Variants in COL25A1 observed in about 807,000 individuals in gnomAD.
COL25A1 encodes collagen alpha-1(XXV) chain.
COL25A1 carries 103 observed loss-of-function variants against 128.4 expected under a neutral mutation model. The ratio of observed to expected loss-of-function variants is 0.80; its 90% CI spans 0.68 to 0.94. The LOEUF (loss-of-function observed/expected upper bound fraction) is 0.94. Among genes scored for constraint, COL25A1 ranks in the 40% least tolerant of loss-of-function variants. COL25A1 has a pLI of 0.00. For missense variants in COL25A1, 745 were observed against 840.0 expected (o/e 0.89, Z 1.40); for synonymous variants, 279 against 277.2 (o/e 1.01, Z -0.06).
At chr4:109,294,325 G>A (rs1724761848) in intron 3 of COL25A1, among the ~76,000 whole-genome samples, 1 of 152,112 alleles carries the variant, frequency 6.6e-6, no homozygotes, top group Non-Finnish European at 1.5e-5. Context: ...TGATGCCAAT[G>A]AAAAGTGCTC....
intron 16 of COL25A1, 28 bp downstream of exon 16, chr4:108,896,639 T>C (rs779624689): frequency 1.2e-6 from 2 of 1,606,056 alleles, no homozygotes; most frequent in South Asian, 1.1e-5. Context: ...CTCACATATG[T>C]ACCCTTTCAT....
At chr4:108,910,839 A>C (rs1402824576) in intron 13 of COL25A1, among the ~76,000 whole-genome samples, 1 of 152,202 alleles carries the variant, frequency 6.6e-6, no homozygotes, top group African/African-American at 2.4e-5. Context: ...CACTGGATAC[A>C]TTTTAGTAAT....
At chr4:109,272,172 G>C (rs1424731134) in intron 3 of COL25A1, among the ~76,000 whole-genome samples, 4 of 152,056 alleles carry the variant, frequency 2.6e-5, no homozygotes, top group Non-Finnish European at 5.9e-5. Context: ...AGAGGTCAAG[G>C]CTGCGATGAG....
chr4:108,886,485 TGTG>T lies in COL25A1; in HGVS notation c.976-2266_976-2264del, dbSNP rs1256946997. ...GTGTGTGTGTGTGTGTGTGTGTGTG[TGTG>T]TGTGTTTAGCTCATCAGCTATTTTA... is the stretch of plus-strand genomic sequence containing the variant. On this transcript the variant is annotated intron_variant, in intron 18 of 37. Transcript: ENST00000399132. Among the ~76,000 whole-genome samples, 179 of 115,678 alleles carry T rather than the reference TGTG, an allele frequency of 1.5e-3. 1 individual carries two copies. The highest frequency in any genetic ancestry group is 7.6e-3 in the South Asian group (26 of 3,428). 75.9% of individuals were successfully genotyped at this position (115,678 alleles called of 152,430 possible). A position where few individuals can be genotyped will look rare whatever the true frequency, so the allele number is the denominator to read the frequency against.
At chr4:108,941,676 C>G (rs1451848838) in intron 8 of COL25A1, among the ~76,000 whole-genome samples, 1 of 152,074 alleles carries the variant, frequency 6.6e-6, no homozygotes, top group Non-Finnish European at 1.5e-5. Context: ...TTTTTTGTGC[C>G]TCATCATTTC....
intron 6 of COL25A1, among the ~76,000 whole-genome samples, chr4:108,975,990 CTT>C (rs750933672): frequency 5.3e-5 from 8 of 152,096 alleles, no homozygotes; most frequent in South Asian, 2.1e-4. Flanking sequence ...TGTTTTCCCA[CTT>C]TGTTTACTGC....
At chr4:109,248,088 G>A (rs959393036) in intron 3 of COL25A1, among the ~76,000 whole-genome samples, 8 of 151,852 alleles carry the variant, frequency 5.3e-5, no homozygotes, top group Non-Finnish European at 7.4e-5. Flanking sequence ...TACCTTCTAC[G>A]CATGCCTATA....
intron 3 of COL25A1, among the ~76,000 whole-genome samples, chr4:109,086,461 A>T (rs1764384620): frequency 6.6e-6 from 1 of 152,212 alleles, no homozygotes; most frequent in African/African-American, 2.4e-5. Context: ...TATTTTCCAG[A>T]TAATTTATCA....
intron 3 of COL25A1, among the ~76,000 whole-genome samples, chr4:109,236,066 T>C (rs1779459333): frequency 6.6e-6 from 1 of 152,076 alleles, no homozygotes; most frequent in Non-Finnish European, 1.5e-5. Flanking sequence ...ATTTCATTCA[T>C]ATTCATAAAA....
At chr4:109,230,994 C>G (rs989769196) in intron 3 of COL25A1, among the ~76,000 whole-genome samples, 1 of 151,974 alleles carries the variant, frequency 6.6e-6, no homozygotes, top group Non-Finnish European at 1.5e-5. Context: ...AAAAAATTAG[C>G]CAGGCGTGGT....
At chr4:109,237,969 T>A (rs995682273) in intron 3 of COL25A1, among the ~76,000 whole-genome samples, 2 of 152,120 alleles carry the variant, frequency 1.3e-5, no homozygotes, top group African/African-American at 4.8e-5. Flanking sequence ...TCAAGGATCA[T>A]CCATGTCATA....
intron 3 of COL25A1, among the ~76,000 whole-genome samples, chr4:109,277,966 T>C (rs1238939233): frequency 6.6e-6 from 1 of 152,100 alleles, no homozygotes; most frequent in Non-Finnish European, 1.5e-5. Flanking sequence ...AAACCCCATC[T>C]CTACTAAAAA....
At chr4:108,964,932 C>A (rs1751124121) in intron 8 of COL25A1, among the ~76,000 whole-genome samples, 2 of 152,082 alleles carry the variant, frequency 1.3e-5, no homozygotes, top group Non-Finnish European at 2.9e-5. Flanking sequence ...TATATCCATT[C>A]CCTTTTCTCA....
chr4:109,278,078 C>T (rs1021219695), intron 3 of COL25A1, among the ~76,000 whole-genome samples: 5 of 151,372 alleles, frequency 3.3e-5, no homozygotes, highest in Admixed American at 6.6e-5. Context: ...GAGGTTGCAG[C>T]GAGCCGAGAT....
At chr4:109,158,530 A>C (rs1370644456) in intron 3 of COL25A1, among the ~76,000 whole-genome samples, 1 of 152,244 alleles carries the variant, frequency 6.6e-6, no homozygotes, top group Non-Finnish European at 1.5e-5. Flanking sequence ...AAAACTATGA[A>C]GTATCTACAA....
chr4:109,227,724 G>T (rs900522380), intron 3 of COL25A1, among the ~76,000 whole-genome samples: 6 of 152,136 alleles, frequency 3.9e-5, no homozygotes, highest in African/African-American at 1.2e-4. Flanking sequence ...AGAAAAAAAT[G>T]ATATTCAGCT....
rs186538087 is a variant in COL25A1, at chr4:109,205,849, T to G, written c.367+94734A>C. 3.4e-3 allele frequency among the ~76,000 whole-genome samples: 522 copies of G among 152,252 alleles called. 1 individual carries two copies. The highest frequency in any genetic ancestry group is 5.5e-3 in the Non-Finnish European group (373 of 68,018). Reference sequence around the variant, plus strand: ...CCCTTTCCATAATTTTACATCACTTTTCTTCACAGTGTCTCTGATGTAATT... The same window carrying G: ...CCCTTTCCATAATTTTACATCACTTGTCTTCACAGTGTCTCTGATGTAATT... On this transcript the variant is annotated intron_variant, in intron 3 of 37. Transcript: ENST00000399132.
chr4:109,131,492 T>C (rs982285201), intron 3 of COL25A1, among the ~76,000 whole-genome samples: 10 of 152,170 alleles, frequency 6.6e-5, no homozygotes, highest in Non-Finnish European at 2.9e-5. Flanking sequence ...GTAGGATATG[T>C]ATTTTGTTAT....
At chr4:108,920,868 A>C in intron 11 of COL25A1, 1 of 325,018 alleles carries the variant, frequency 3.1e-6, no homozygotes, top group East Asian at 4.6e-5. Flanking sequence ...CTGTTCCAGC[A>C]CATATTGTTT....
Sources: allele counts gnomAD v4.1 joint callset (sites outside exome capture counted in the v4.1 genomes callset), GRCh38; gene constraint gnomAD v4.1.1; transcripts MANE v1.5; gene names NCBI Gene and HGNC (gene_info 2026-07-23, HGNC 2026-07-21).